PTPRN2: variants seen among roughly 807,000 people sequenced by gnomAD.
PTPRN2 encodes receptor-type tyrosine-protein phosphatase N2.
A neutral mutation model predicts 118.8 loss-of-function variants in PTPRN2; 74 were observed. The ratio of observed to expected loss-of-function variants is 0.62; its 90% CI spans 0.52 to 0.76. PTPRN2 has a LOEUF of 0.76. Among genes scored for constraint, PTPRN2 ranks in the 30% least tolerant of loss-of-function variants. The pLI is 0.00. For synonymous variants in PTPRN2, 641 were observed against 608.0 expected (o/e 1.05, Z -0.80); for missense variants, 1,481 against 1,394.4 (o/e 1.06, Z -0.99).
rs187345717 is a variant in PTPRN2 at position 158,310,003 on chromosome 7, C to A, written c.277+6816G>T. Among the ~76,000 whole-genome samples, 48 of 152,232 alleles carry A rather than the reference C, an allele frequency of 3.2e-4. No homozygotes were observed. In the East Asian group the frequency reaches 8.7e-3, roughly 28 times the overall value. ...TGAGGACACGGGGGGAAGATGCCAC[C>A]CATGAACCAGGAAGCCACCCACCAC... On this transcript the variant is annotated intron_variant, in intron 3 of 22. Coordinates refer to ENST00000389418, the MANE Select transcript of PTPRN2 (RefSeq NM_002847.5).
At chr7:158,568,810 A>G (rs1390122165) in intron 1 of PTPRN2, among the ~76,000 whole-genome samples, 1 of 152,094 alleles carries the variant, frequency 6.6e-6, no homozygotes, top group Non-Finnish European at 1.5e-5. Context: ...TTCCTATCAC[A>G]CTTCTTTTAA....
intron 3 of PTPRN2, among the ~76,000 whole-genome samples, chr7:158,273,360 A>C (rs983924989): frequency 1.3e-5 from 2 of 148,912 alleles, no homozygotes; most frequent in African/African-American, 5.2e-5. Context: ...GGGCAGAAGC[A>C]CTGCCTGCAG....
intron 2 of PTPRN2, among the ~76,000 whole-genome samples, chr7:158,436,031 C>T (rs1259265694): frequency 2.0e-5 from 3 of 152,154 alleles, no homozygotes; most frequent in Non-Finnish European, 2.9e-5. Context: ...CAATACTGTG[C>T]CATGCACTTA....
chr7:158,096,101 A>G (rs1175851833), intron 10 of PTPRN2, among the ~76,000 whole-genome samples: 1 of 152,226 alleles, frequency 6.6e-6, no homozygotes, highest in Admixed American at 6.5e-5. Flanking sequence ...CCTAACAGCA[A>G]TGAAATAGCG....
At chr7:158,008,567 T>C (rs533215245) in intron 11 of PTPRN2, among the ~76,000 whole-genome samples, 8 of 152,252 alleles carry the variant, frequency 5.3e-5, no homozygotes, top group Non-Finnish European at 1.2e-4. Context: ...CTTCCACTGA[T>C]TCTTATTTAT....
chr7:157,657,882 A>C (rs1204455125), intron 13 of PTPRN2, among the ~76,000 whole-genome samples: 1 of 140,052 alleles, frequency 7.1e-6, no homozygotes, highest in Non-Finnish European at 1.6e-5. Flanking sequence ...CACCACACAC[A>C]CACACCACAC....
At chr7:158,553,825 C>T (rs56085531) in intron 1 of PTPRN2, among the ~76,000 whole-genome samples, 4,317 of 150,452 alleles carry the variant, frequency 0.029, 233 homozygotes, top group African/African-American at 0.1. Context: ...CACATTGCAT[C>T]GGGGGGGCTC....
At chr7:157,842,904 G>C (rs1330799687) in intron 12 of PTPRN2, among the ~76,000 whole-genome samples, 1 of 152,184 alleles carries the variant, frequency 6.6e-6, no homozygotes, top group Admixed American at 6.5e-5. Flanking sequence ...GTAAAGGGTA[G>C]AGTGATTAGG....
intron 15 of PTPRN2, chr7:157,614,237 G>A: frequency 4.8e-6 from 2 of 414,972 alleles, no homozygotes; most frequent in South Asian, 3.7e-5. Flanking sequence ...TCGCAGAGCA[G>A]GCTGGTCATG....
At chr7:158,344,059 C>G (rs1454455220) in intron 2 of PTPRN2, among the ~76,000 whole-genome samples, 1 of 152,070 alleles carries the variant, frequency 6.6e-6, no homozygotes, top group Non-Finnish European at 1.5e-5. Context: ...CCACCCAGAC[C>G]CCCATACGAG....
At chr7:158,458,420 G>T (rs927531724) in intron 2 of PTPRN2, among the ~76,000 whole-genome samples, 4 of 152,134 alleles carry the variant, frequency 2.6e-5, no homozygotes, top group African/African-American at 9.7e-5. Context: ...ATTGACACTG[G>T]CCTCATTCCC....
rs1402567710 is a variant in PTPRN2, at chr7:157,787,170, G to A, written c.1789-104233C>T. ...GGAGGCGGACGCGGGTGCGGCGGGGGACGCGGGGGTGGCTGCCCGGGACTG... is the reference window on the plus strand; with the variant it reads ...GGAGGCGGACGCGGGTGCGGCGGGGAACGCGGGGGTGGCTGCCCGGGACTG... On this transcript the variant is annotated intron_variant, in intron 12 of 22. Transcript: ENST00000389418. This position sits in a 1 kb window ranked among gnomAD's most constrained non-coding sequence, Gnocchi z 5.3. Among the ~76,000 whole-genome samples the A allele has an allele frequency of 1.3e-5, 2 of 149,284 alleles. No homozygotes were observed. Among genetic ancestry groups the A allele is most frequent in the African/African-American group, 2.4e-5 (1 of 41,060 alleles).
chr7:157,817,939 T>C (rs1470679422), intron 12 of PTPRN2, among the ~76,000 whole-genome samples: 3 of 151,950 alleles, frequency 2.0e-5, no homozygotes, highest in Non-Finnish European at 2.9e-5. Context: ...ATGTATGGTG[T>C]ATATGTGTGT....
intron 11 of PTPRN2, among the ~76,000 whole-genome samples, chr7:157,992,016 A>G (rs1469437688): frequency 1.3e-5 from 2 of 152,210 alleles, no homozygotes; most frequent in Admixed American, 1.3e-4. Flanking sequence ...TCCAGCCAGT[A>G]TTTGAGAACA....
intron 11 of PTPRN2, among the ~76,000 whole-genome samples, chr7:158,064,268 G>A (rs1810585053): frequency 6.6e-6 from 1 of 152,220 alleles, no homozygotes; most frequent in African/African-American, 2.4e-5. Context: ...TGTGCTGGGT[G>A]TCCAAGTCCA....
chr7:158,507,743 A>G (rs7785410), intron 1 of PTPRN2, among the ~76,000 whole-genome samples: 36,556 of 135,074 alleles, frequency 0.27, 4,862 homozygotes, highest in East Asian at 0.47. Flanking sequence ...GGACAGCCCC[A>G]TGCTAGGCAG....
At chr7:158,330,334 C>A (rs1804117831) in intron 2 of PTPRN2, among the ~76,000 whole-genome samples, 1 of 10,794 alleles carries the variant, frequency 9.3e-5, no homozygotes, top group Non-Finnish European at 1.8e-4. Flanking sequence ...CACTCACACC[C>A]ACACTCTCAC....
chr7:158,456,711 A>T (rs1248216057), intron 2 of PTPRN2, among the ~76,000 whole-genome samples: 1 of 152,236 alleles, frequency 6.6e-6, no homozygotes, highest in Non-Finnish European at 1.5e-5. Flanking sequence ...TTGAGGGTGG[A>T]GTCAGTTAGA....
chr7:157,952,309 C>A (rs1585076303), intron 11 of PTPRN2, among the ~76,000 whole-genome samples: 1 of 150,710 alleles, frequency 6.6e-6, no homozygotes, highest in South Asian at 2.1e-4. Flanking sequence ...GTGGGAGGAA[C>A]CTGGGGTAGT....
Sources: gnomAD v4.1 joint callset for allele counts (sites outside exome capture counted in the v4.1 genomes callset) on GRCh38, gnomAD v4.1.1 for gene constraint, Gnocchi (gnomAD v3.1) non-coding constraint, MANE v1.5 for transcripts, NCBI Gene and HGNC (gene_info 2026-07-23, HGNC 2026-07-21) for gene names.